Variants in NAV2 observed in about 807,000 individuals in gnomAD.
NAV2 encodes the protein helicase, APC down-regulated 1.
NAV2 carries 54 observed loss-of-function variants against 223.2 expected under a neutral mutation model. The observed-to-expected ratio is 0.24, with a 90% confidence interval of 0.19 to 0.30. The LOEUF (loss-of-function observed/expected upper bound fraction) is 0.30, where lower values mean the gene tolerates loss of function less well. Among genes scored for constraint, NAV2 ranks in the 10% least tolerant of loss-of-function variants. NAV2 has a pLI of 1.00. For missense variants in NAV2, 2,806 were observed against 3,147.5 expected, an observed-to-expected ratio of 0.89 and a Z score of 2.60; for synonymous variants, 1,279 against 1,239.3, an observed-to-expected ratio of 1.03 and a Z score of -0.67.
intron 3 of NAV2, among the ~76,000 whole-genome samples, chr11:19,864,152 T>C (rs1041806482): frequency 6.6e-6 from 1 of 152,252 alleles, no homozygotes; most frequent in Non-Finnish European, 1.5e-5. Flanking sequence ...CTGACTTTAA[T>C]GCAGCAGCTG....
At chr11:19,462,013 T>C (rs927951437) in intron 1 of NAV2, among the ~76,000 whole-genome samples, 10 of 152,188 alleles carry the variant, frequency 6.6e-5, no homozygotes, top group African/African-American at 2.4e-4. Flanking sequence ...TTCACCATGT[T>C]GGCCAGGCTG....
intron 1 of NAV2, among the ~76,000 whole-genome samples, chr11:19,462,553 A>C (rs1740972561): frequency 6.6e-6 from 1 of 152,212 alleles, no homozygotes; most frequent in African/African-American, 2.4e-5. Flanking sequence ...TCCTCTCTCT[A>C]TGTTTCATGT....
chr11:19,938,287 G>C (rs2046092002), intron 7 of NAV2, among the ~76,000 whole-genome samples: 1 of 152,094 alleles, frequency 6.6e-6, no homozygotes, highest in Non-Finnish European at 1.5e-5. Context: ...GTGGGGAGTA[G>C]ACCAAACTTA....
chr11:20,089,744 T>C (rs1592092595), intron 26 of NAV2, among the ~76,000 whole-genome samples: 1 of 152,184 alleles, frequency 6.6e-6, no homozygotes. Flanking sequence ...GAGAACTATC[T>C]TTCCTAACAT....
intron 2 of NAV2, among the ~76,000 whole-genome samples, chr11:19,833,702 T>C (rs2060075069): frequency 6.6e-6 from 1 of 152,236 alleles, no homozygotes; most frequent in South Asian, 2.1e-4. Context: ...GCTGGGTGCC[T>C]CTGCAAGGCT....
At chr11:19,956,966 G>C (rs147530485) in intron 10 of NAV2, among the ~76,000 whole-genome samples, 1 of 152,136 alleles carries the variant, frequency 6.6e-6, no homozygotes, top group Admixed American at 6.5e-5. Context: ...GTTTGAAAGG[G>C]GTTTGCTATG....
At chr11:20,113,821 C>A (rs1206338233) in intron 36 of NAV2, among the ~76,000 whole-genome samples, 1 of 151,862 alleles carries the variant, frequency 6.6e-6, no homozygotes, top group Non-Finnish European at 1.5e-5. Context: ...CCAGCCTGGG[C>A]AATATAGAGA....
At chr11:19,469,499 C>A (rs2632040) in intron 1 of NAV2, among the ~76,000 whole-genome samples, 24,781 of 152,082 alleles carry the variant, frequency 0.16, 2,162 homozygotes, top group East Asian at 0.23. Flanking sequence ...ACATCTGATC[C>A]ACCAGAACCA....
intron 1 of NAV2, among the ~76,000 whole-genome samples, chr11:19,466,332 A>G (rs1208330575): frequency 1.3e-5 from 2 of 152,128 alleles, no homozygotes; most frequent in Admixed American, 6.5e-5. Flanking sequence ...AAATGCCCCA[A>G]TCGTGCCTGT....
chr11:19,965,641 C>T (rs994030041), intron 10 of NAV2, among the ~76,000 whole-genome samples: 5 of 152,202 alleles, frequency 3.3e-5, no homozygotes, highest in Non-Finnish European at 7.3e-5. Flanking sequence ...TTCTAGAGCA[C>T]AAATCTGATT....
intron 1 of NAV2, among the ~76,000 whole-genome samples, chr11:19,624,208 G>A (rs560897313): frequency 2.6e-5 from 4 of 152,312 alleles, no homozygotes; most frequent in South Asian, 2.1e-4. Context: ...TAGGCTACTC[G>A]GGGGTCAGGG....
intron 1 of NAV2, among the ~76,000 whole-genome samples, chr11:19,723,115 G>T (rs1195974624): frequency 6.6e-6 from 1 of 152,210 alleles, no homozygotes; most frequent in Non-Finnish European, 1.5e-5. Context: ...ACCTTGGATG[G>T]AGGACCTGAG....
intron 35 of NAV2, chr11:20,107,130 T>G (rs1430582049): frequency 4.1e-5 from 5 of 121,448 alleles, no homozygotes; most frequent in Non-Finnish European, 8.0e-5. Context: ...CAGGCTGGAG[T>G]GCAGTGGCGC....
intron 1 of NAV2, chr11:19,503,274 T>G (rs1025014539): frequency 6.6e-6 from 1 of 152,262 alleles, no homozygotes; most frequent in Non-Finnish European, 1.5e-5. Context: ...GCACATTTGT[T>G]ATAATTGATT....
At chr11:19,502,443 A>G (rs2042988627) in intron 1 of NAV2, among the ~76,000 whole-genome samples, 1 of 152,212 alleles carries the variant, frequency 6.6e-6, no homozygotes, top group Admixed American at 6.5e-5. Context: ...TTAAAATTAA[A>G]GGCAGGTACG....
At chr11:19,986,092 G>A (rs1205030475) in intron 11 of NAV2, among the ~76,000 whole-genome samples, 1 of 152,212 alleles carries the variant, frequency 6.6e-6, no homozygotes, top group African/African-American at 2.4e-5. Context: ...CCTTGTAGCA[G>A]AAGAATCTAT....
At chr11:19,428,247 G>A (rs1323428196) in intron 1 of NAV2, among the ~76,000 whole-genome samples, 2 of 151,982 alleles carry the variant, frequency 1.3e-5, no homozygotes, top group Admixed American at 6.6e-5. Context: ...ACACATACAC[G>A]CATACCATTT....
At chr11:19,955,211 AGCCTAT>A (rs1014752092) in intron 10 of NAV2, among the ~76,000 whole-genome samples, 1 of 152,098 alleles carries the variant, frequency 6.6e-6, no homozygotes, top group African/African-American at 2.4e-5. Flanking sequence ...GTTCAAGACC[AGCCTAT>A]GCAATATAGT....
At position 19,472,011 on chromosome 11, in the gene NAV2, T is replaced by G. The variant is rs533421453; in HGVS notation, c.75+120984T>G. ...ACGTGTACTTATCCCAACTAACGGGTTGCTTTTAAACTTAATTATGTATAT... is the reference window on the plus strand; with the variant it reads ...ACGTGTACTTATCCCAACTAACGGGGTGCTTTTAAACTTAATTATGTATAT... On this transcript the variant is annotated intron_variant, in intron 1 of 37. Transcript: ENST00000360655. 6.6e-5 allele frequency among the ~76,000 whole-genome samples: 10 copies of G among 152,278 alleles called. No homozygotes were observed. The South Asian group carries it at 2.1e-3, about 32-fold the overall frequency.
Sources: allele counts gnomAD v4.1 joint callset (sites outside exome capture counted in the v4.1 genomes callset), GRCh38; gene constraint gnomAD v4.1.1; transcripts MANE v1.5; gene names NCBI Gene and HGNC (gene_info 2026-07-23, HGNC 2026-07-21).